The following ZNF469 variants were observed in gnomAD, a reference collection of about 807,000 sequenced individuals.
ZNF469 encodes zinc finger protein 469.
A neutral mutation model predicts 1.0 loss-of-function variants in ZNF469; 1 was observed. The ratio of observed to expected loss-of-function variants is 1.00; its 90% CI spans 0.35 to 4.73. The LOEUF (loss-of-function observed/expected upper bound fraction) is 4.73, where lower values mean the gene tolerates loss of function less well. Among genes scored for constraint, ZNF469 ranks in the 30% most tolerant of loss-of-function variants. The pLI is 0.16. For missense variants in ZNF469, 6,100 were observed against 5,356.3 expected (o/e 1.14, Z -4.33); for synonymous variants, 2,703 against 2,363.4 (o/e 1.14, Z -4.17).
At chr16:88,412,565 G>A (rs939702465) in intron 1 of ZNF469, among the ~76,000 whole-genome samples, 6 of 152,202 alleles carry the variant, frequency 3.9e-5, no homozygotes, top group African/African-American at 1.4e-4. Context: ...TAGAGCCAGG[G>A]ACCTTTGTTC....
chr16:88,411,545 C>G (rs1293178415), intron 1 of ZNF469, among the ~76,000 whole-genome samples: 1 of 151,184 alleles, frequency 6.6e-6, no homozygotes, highest in Non-Finnish European at 1.5e-5. Flanking sequence ...TGGGTGTGAG[C>G]ATGGCTCTCC....
the ZNF469 span, among the ~76,000 whole-genome samples, chr16:88,358,660 G>A: frequency 1.6e-4 from 24 of 152,150 alleles, no homozygotes; most frequent in Admixed American, 2.6e-4. Context: ...CCTGGGGTGC[G>A]TAGCATTCCT....
chr16:88,120,266 G>A, the ZNF469 span, among the ~76,000 whole-genome samples: 2 of 152,326 alleles, frequency 1.3e-5, no homozygotes, highest in East Asian at 1.9e-4. Context: ...GCAGAGCCTC[G>A]TGACACTTGC....
the ZNF469 span, among the ~76,000 whole-genome samples, chr16:88,101,645 C>T: frequency 6.6e-6 from 1 of 151,894 alleles, no homozygotes; most frequent in African/African-American, 2.4e-5. Context: ...TGCAAGTCCA[C>T]AGCGAATCTG....
the ZNF469 span, among the ~76,000 whole-genome samples, chr16:88,157,305 G>A: frequency 6.6e-6 from 1 of 152,214 alleles, no homozygotes; most frequent in Non-Finnish European, 1.5e-5. Context: ...GAGCCCCACA[G>A]CCTCAGGCGT....
At chr16:88,154,976 A>T in the ZNF469 span, among the ~76,000 whole-genome samples, 1 of 152,296 alleles carries the variant, frequency 6.6e-6, no homozygotes, top group Non-Finnish European at 1.5e-5. Context: ...CCGTGCTTTA[A>T]TGTGGACATG....
the ZNF469 span, among the ~76,000 whole-genome samples, chr16:88,122,781 G>GTA: frequency 1.5e-5 from 2 of 132,238 alleles, no homozygotes; most frequent in Non-Finnish European, 3.3e-5. Flanking sequence ...AGCTCTGTGT[G>GTA]TATATATATG....
At chr16:88,170,808 G>T in the ZNF469 span, among the ~76,000 whole-genome samples, 1 of 152,122 alleles carries the variant, frequency 6.6e-6, no homozygotes, top group Non-Finnish European at 1.5e-5. This position sits in a 1 kb window ranked among gnomAD's most constrained non-coding sequence, Gnocchi z 4.2. Context: ...TCATATGGTG[G>T]TTTTACTTTT....
At chr16:88,215,428 C>T in the ZNF469 span, among the ~76,000 whole-genome samples, 4 of 104,812 alleles carry the variant, frequency 3.8e-5, no homozygotes, top group African/African-American at 1.5e-4. Flanking sequence ...TCACTCTTGT[C>T]ACCCAGGCTG....
the ZNF469 span, chr16:88,234,983 C>T: frequency 6.6e-6 from 1 of 152,468 alleles, no homozygotes; most frequent in Non-Finnish European, 1.5e-5. Flanking sequence ...GGGGGCGGCT[C>T]TGCCCTTCCT....
At chr16:88,309,036 G>A in the ZNF469 span, among the ~76,000 whole-genome samples, 1 of 152,228 alleles carries the variant, frequency 6.6e-6, no homozygotes, top group Middle Eastern at 3.4e-3. Flanking sequence ...CCTCTCCCCT[G>A]CCCAGGGCCC....
At position 88,432,203 on chromosome 16, in the gene ZNF469, G is replaced by C. The variant is rs1276410179; in HGVS notation, c.4733G>C (p.Ser1578Thr). 9 of 1,550,100 alleles carry C rather than the reference G, an allele frequency of 5.8e-6. No individual in the cohort carries two copies. Among genetic ancestry groups the C allele is most frequent in the Non-Finnish European group, 7.0e-6 (8 of 1,147,006 alleles). The change falls in exon 3 of 3, where the codon AGC becomes ACC. Residue 1578 changes from serine to threonine, a missense_variant. Physicochemically the swap from Ser to Thr is moderately conservative, Grantham distance 58 (BLOSUM62 1). Coordinates refer to ENST00000565624, the MANE Select transcript of ZNF469 (RefSeq NM_001367624.2). ...GAATTAGAAAGTCAGCTGCAAAGGA[G>C]CAAAGACACACGTGGGGCCCCGAGA... is the stretch of plus-strand genomic sequence containing the variant. ...VTELESQLQR[S>T]KDTRGAPREL...
the ZNF469 span, among the ~76,000 whole-genome samples, chr16:88,120,823 C>T: frequency 1.3e-5 from 2 of 152,144 alleles, no homozygotes; most frequent in Non-Finnish European, 2.9e-5. Context: ...ACGCCCGTGT[C>T]GAGGGCAGTT....
the ZNF469 span, among the ~76,000 whole-genome samples, chr16:88,305,636 T>C: frequency 6.7e-6 from 1 of 148,166 alleles, no homozygotes; most frequent in South Asian, 2.2e-4. Flanking sequence ...ACACACATTC[T>C]CACAGGCACA....
chr16:88,319,378 G>A, the ZNF469 span, among the ~76,000 whole-genome samples: 1 of 152,182 alleles, frequency 6.6e-6, no homozygotes, highest in East Asian at 1.9e-4. Context: ...TTCTTGGGCG[G>A]AGCCACACAG....
chr16:88,196,995 G>T, the ZNF469 span, among the ~76,000 whole-genome samples: 1 of 152,168 alleles, frequency 6.6e-6, no homozygotes, highest in Non-Finnish European at 1.5e-5. Context: ...TCTGAGCTGG[G>T]CTCCCCAGAG....
At chr16:88,371,984 C>CCAT in the ZNF469 span, among the ~76,000 whole-genome samples, 113 of 111,236 alleles carry the variant, frequency 1.0e-3, no homozygotes, top group African/African-American at 3.6e-3. Context: ...ACCATCATCA[C>CCAT]CATCACCATC....
the ZNF469 span, among the ~76,000 whole-genome samples, chr16:88,152,846 T>C: frequency 6.6e-6 from 1 of 152,178 alleles, no homozygotes; most frequent in Admixed American, 6.5e-5. This position sits in a 1 kb window ranked among gnomAD's most constrained non-coding sequence, Gnocchi z 4.2. Flanking sequence ...CGCTGTCTAA[T>C]GATTTCCCAG....
chr16:88,237,936 C>G, the ZNF469 span, among the ~76,000 whole-genome samples: 6 of 152,346 alleles, frequency 3.9e-5, no homozygotes, highest in South Asian at 2.1e-4. Flanking sequence ...CCAGCCTTCT[C>G]CAATGGGCTT....
Sources: allele counts gnomAD v4.1 joint callset (sites outside exome capture counted in the v4.1 genomes callset), GRCh38; gene constraint gnomAD v4.1.1; non-coding constraint Gnocchi (gnomAD v3.1); transcripts MANE v1.5; gene names NCBI Gene and HGNC (gene_info 2026-07-23, HGNC 2026-07-21).